PCDH11X: variants seen among roughly 807,000 people sequenced by gnomAD.
PCDH11X encodes protocadherin 11 X-linked, also known as protocadherin-11 X-linked.
A neutral mutation model predicts 53.3 loss-of-function variants in PCDH11X; 18 were observed. The ratio of observed to expected loss-of-function variants is 0.34; its 90% CI spans 0.23 to 0.50. The LOEUF (loss-of-function observed/expected upper bound fraction) is 0.50. PCDH11X is among the 20% of genes least tolerant of loss of function. The pLI is 0.98. For synonymous variants in PCDH11X, 279 were observed against 393.3 expected (o/e 0.71, Z 3.44); for missense variants, 570 against 1,032.4 (o/e 0.55, Z 6.14).
rs190866565 is a variant in PCDH11X at position 92,217,076 on chromosome X, C to T, written c.3114+15621C>T. On this transcript the variant is annotated intron_variant, in intron 7 of 10. Transcript: ENST00000682573. Reference sequence around the variant, plus strand: ...AACACTAAACATGGAAAGGAACAACCGGTACCAGCCACTGCAAAATCATGC... The same window carrying T: ...AACACTAAACATGGAAAGGAACAACTGGTACCAGCCACTGCAAAATCATGC... Among the ~76,000 whole-genome samples the T allele has an allele frequency of 6.0e-3, 672 of 111,171 alleles. 7 individuals are homozygous for T. Among genetic ancestry groups the T allele is most frequent in the African/African-American group, 0.021 (636 of 30,545 alleles).
At chrX:92,134,297 T>A (rs1603019540) in intron 6 of PCDH11X, among the ~76,000 whole-genome samples, 1 of 110,953 alleles carries the variant, frequency 9.0e-6, no homozygotes, top group East Asian at 2.8e-4. Context: ...GTTTGTTTTT[T>A]TAATTTTTGT....
intron 9 of PCDH11X, among the ~76,000 whole-genome samples, chrX:92,452,504 T>G (rs1164938915): frequency 5.0e-5 from 4 of 79,694 alleles, no homozygotes; most frequent in Non-Finnish European, 9.6e-5. Context: ...TATATGTTTT[T>G]TTTTTTTTTT....
intron 5 of PCDH11X, among the ~76,000 whole-genome samples, chrX:91,874,286 G>A (rs1939478582): frequency 9.1e-6 from 1 of 110,418 alleles, no homozygotes; most frequent in Admixed American, 9.7e-5. Context: ...ATTCAATGTT[G>A]TCATGAAATT....
intron 8 of PCDH11X, among the ~76,000 whole-genome samples, chrX:92,341,321 C>T (rs1326518228): frequency 9.0e-6 from 1 of 111,699 alleles, no homozygotes; most frequent in Non-Finnish European, 1.9e-5. Flanking sequence ...CAAACCTTCG[C>T]CTGCTATTCA....
chrX:92,264,269 A>T (rs1277948969), intron 8 of PCDH11X, among the ~76,000 whole-genome samples: 1 of 112,004 alleles, frequency 8.9e-6, no homozygotes, highest in African/African-American at 3.2e-5. Flanking sequence ...AAATAACAGC[A>T]TCAGAGAGTT....
At chrX:92,433,098 C>T (rs905855519) in intron 9 of PCDH11X, among the ~76,000 whole-genome samples, 5 of 110,469 alleles carry the variant, frequency 4.5e-5, no homozygotes, top group Non-Finnish European at 9.5e-5. Flanking sequence ...AGGGGGGATT[C>T]ATAGTGGTGT....
intron 10 of PCDH11X, among the ~76,000 whole-genome samples, chrX:92,522,557 T>C (rs1003585609): frequency 2.7e-5 from 3 of 111,247 alleles, no homozygotes; most frequent in African/African-American, 9.8e-5. Context: ...AAAAACGGCA[T>C]GGATAGACTT....
At chrX:92,255,726 G>C (rs2067562904) in intron 7 of PCDH11X, among the ~76,000 whole-genome samples, 1 of 112,177 alleles carries the variant, frequency 8.9e-6, no homozygotes, top group Non-Finnish European at 1.9e-5. Flanking sequence ...TGCCCCTACT[G>C]GAGGGTGCCT....
At chrX:92,189,139 G>T (rs1360192069) in intron 6 of PCDH11X, among the ~76,000 whole-genome samples, 1 of 110,870 alleles carries the variant, frequency 9.0e-6, no homozygotes, top group Non-Finnish European at 1.9e-5. Flanking sequence ...ATGGTGGTTT[G>T]CTGCACAGAT....
chrX:92,195,165 G>A (rs1005417742), intron 6 of PCDH11X, among the ~76,000 whole-genome samples: 2 of 110,996 alleles, frequency 1.8e-5, no homozygotes, highest in Admixed American at 9.6e-5. Flanking sequence ...TTTACAATCC[G>A]GTACCAAACC....
intron 8 of PCDH11X, among the ~76,000 whole-genome samples, chrX:92,272,798 G>T (rs1458368682): frequency 8.9e-6 from 1 of 111,952 alleles, no homozygotes; most frequent in African/African-American, 3.2e-5. Context: ...AAGGAATTGA[G>T]GTAGCACTTT....
chrX:92,274,222 A>G lies in PCDH11X; in HGVS notation c.3144+11079A>G, dbSNP rs780054716. On this transcript the variant is annotated intron_variant, in intron 8 of 10. Transcript: ENST00000682573. Reference sequence around the variant, plus strand: ...TGAATTCTGAGAAGCGAAAGTGGTAAAAGTATTGTCCAGTCCTCTTTAAGT... The same window carrying G: ...TGAATTCTGAGAAGCGAAAGTGGTAGAAGTATTGTCCAGTCCTCTTTAAGT... Among the ~76,000 whole-genome samples, 7 of 109,581 alleles carry G rather than the reference A, an allele frequency of 6.4e-5. No individual in the cohort carries two copies. The South Asian group carries it at 2.8e-3, about 43-fold the overall frequency.
intron 6 of PCDH11X, among the ~76,000 whole-genome samples, chrX:92,132,469 G>A (rs1305832108): frequency 2.0e-5 from 2 of 102,499 alleles, no homozygotes; most frequent in Non-Finnish European, 3.9e-5. Context: ...TTAGCTGGGC[G>A]TGGTAGTGTG....
chrX:92,301,173 T>A (rs1022250972), intron 8 of PCDH11X, among the ~76,000 whole-genome samples: 5 of 110,939 alleles, frequency 4.5e-5, no homozygotes, highest in Admixed American at 9.6e-5. Context: ...GACAGTCAGG[T>A]GTGGTCTTCC....
intron 6 of PCDH11X, among the ~76,000 whole-genome samples, chrX:91,902,265 C>T: frequency 9.1e-6 from 1 of 110,338 alleles, no homozygotes. Flanking sequence ...GTCTCTATCC[C>T]CTCCATTCAC....
intron 8 of PCDH11X, among the ~76,000 whole-genome samples, chrX:92,309,268 A>G (rs950423676): frequency 8.9e-6 from 1 of 112,430 alleles, no homozygotes; most frequent in Non-Finnish European, 1.9e-5. Flanking sequence ...ACAGATAAGC[A>G]AAGTGTGGTA....
chrX:92,230,918 A>G (rs1006340405), intron 7 of PCDH11X, among the ~76,000 whole-genome samples: 1 of 110,813 alleles, frequency 9.0e-6, no homozygotes, highest in Non-Finnish European at 1.9e-5. Context: ...CAGGACTGGA[A>G]GAACATTAGT....
chrX:92,555,111 T>C (rs1369376429), intron 10 of PCDH11X, among the ~76,000 whole-genome samples: 1 of 111,564 alleles, frequency 9.0e-6, no homozygotes, highest in Non-Finnish European at 1.9e-5. Flanking sequence ...ACCTCATAAC[T>C]TTTAAAATGC....
chrX:92,027,810 TGTA>T (rs2062990515), intron 6 of PCDH11X, among the ~76,000 whole-genome samples: 1 of 90,035 alleles, frequency 1.1e-5, no homozygotes, highest in African/African-American at 4.1e-5. Flanking sequence ...GTTACAAATG[TGTA>T]CATGACCATT....
Sources: allele counts gnomAD v4.1 joint callset (sites outside exome capture counted in the v4.1 genomes callset), GRCh38; gene constraint gnomAD v4.1.1; transcripts MANE v1.5; gene names NCBI Gene and HGNC (gene_info 2026-07-23, HGNC 2026-07-21).